PLCH2: variants seen among roughly 807,000 people sequenced by gnomAD.
PLCH2 encodes the protein phospholipase C eta 2.
In PLCH2, 98 loss-of-function variants were observed where a neutral mutation model predicts 134.7. That is an observed-to-expected ratio of 0.73 (90% CI 0.62 to 0.86). PLCH2 has a LOEUF of 0.86. Among genes scored for constraint, PLCH2 ranks in the 40% least tolerant of loss-of-function variants. The probability of loss-of-function intolerance (pLI) is 0.00; values close to 1 mark genes in which losing one functional copy is unlikely to be tolerated. For synonymous variants in PLCH2, 974 were observed against 827.5 expected (o/e 1.18, Z -3.04); for missense variants, 1,994 against 1,986.6 (o/e 1.00, Z -0.07).
Position 2,488,700 on chromosome 1 carries a change from G to A in PLCH2, c.1236-507G>A, listed in dbSNP as rs547626256. Among the ~76,000 whole-genome samples, 5 of 152,338 alleles carry A rather than the reference G, an allele frequency of 3.3e-5. No homozygotes were observed. In the East Asian group the frequency reaches 9.6e-4, roughly 29 times the overall value. ...ATACTCCCCATTCTGCACTGTGCAG[G>A]TAATAACCATGTTCCACCAGATGGT... On this transcript the variant is annotated intron_variant, in intron 8 of 21. Transcript: ENST00000378486.
chr1:2,489,676 G>A (rs1642462962), intron 9 of PLCH2, 84 bp from the exon 10 acceptor site: 1 of 1,113,778 alleles, frequency 9.0e-7, no homozygotes, highest in Non-Finnish European at 1.4e-6. Flanking sequence ...CCCTCTCCTT[G>A]GCCGGCGGCT....
intron 21 of PLCH2, chr1:2,502,714 C>A: frequency 1.4e-6 from 1 of 714,334 alleles, no homozygotes; most frequent in Non-Finnish European, 2.6e-6. Context: ...GTCCTGGGGC[C>A]TGGAGGCAGG....
intron 11 of PLCH2, 40 bp downstream of exon 11, chr1:2,491,375 C>G (rs773613525): frequency 1.9e-6 from 3 of 1,593,434 alleles, no homozygotes; most frequent in Non-Finnish European, 2.6e-6. Context: ...GCCGACAGGC[C>G]CCCCCGACAG....
upstream of PLCH2, among the ~76,000 whole-genome samples, chr1:2,472,925 G>A (rs750726055): frequency 2.0e-5 from 3 of 151,354 alleles, no homozygotes; most frequent in South Asian, 2.1e-4. Flanking sequence ...ATGCCGGGAG[G>A]CCTGTGGGTG....
At chr1:2,479,555 T>C (rs1410172507) in intron 2 of PLCH2, 179 bp from the exon 3 acceptor site, 1 of 610,584 alleles carries the variant, frequency 1.6e-6, no homozygotes, top group Non-Finnish European at 2.9e-6. Flanking sequence ...AGTGGGGGGC[T>C]GTGCAGTCTC....
At chr1:2,425,339 C>T (rs150054801), upstream of PLCH2, among the ~76,000 whole-genome samples, 8 of 152,098 alleles carry the variant, frequency 5.3e-5, no homozygotes, top group East Asian at 5.8e-4. Context: ...ATACACCCCC[C>T]CACACACATT....
upstream of PLCH2, among the ~76,000 whole-genome samples, chr1:2,464,639 G>GA (rs1640971655): frequency 6.6e-6 from 1 of 152,244 alleles, no homozygotes; most frequent in Admixed American, 6.5e-5. Flanking sequence ...GAGAAAGCAG[G>GA]AATGGAAGGT....
chr1:2,449,641 C>T (rs1394867647), intron 2 of PLCH2, among the ~76,000 whole-genome samples: 4 of 152,206 alleles, frequency 2.6e-5, no homozygotes, highest in East Asian at 1.9e-4. Context: ...CAGCTCTGCC[C>T]AGGTGGTGTC....
chr1:2,436,563 T>C (rs1388461475), intron 2 of PLCH2, among the ~76,000 whole-genome samples: 1 of 99,274 alleles, frequency 1.0e-5, no homozygotes, highest in African/African-American at 4.4e-5. Context: ...TCCCTCCACC[T>C]TTCCTCCTTC....
chr1:2,473,129 G>C (rs938245273), upstream of PLCH2, among the ~76,000 whole-genome samples: 7 of 152,320 alleles, frequency 4.6e-5, no homozygotes, highest in East Asian at 1.3e-3. Context: ...GACAGCGCGC[G>C]CTCTTCCTCT....
chr1:2,417,488 C>T, the PLCH2 span, among the ~76,000 whole-genome samples: 1 of 152,118 alleles, frequency 6.6e-6, no homozygotes, highest in Non-Finnish European at 1.5e-5. Flanking sequence ...GGGTGGGGTT[C>T]CCAGGAGAGT....
At chr1:2,434,763 A>C (rs965382548) in intron 2 of PLCH2, among the ~76,000 whole-genome samples, 2 of 152,174 alleles carry the variant, frequency 1.3e-5, no homozygotes, top group African/African-American at 4.8e-5. Flanking sequence ...CTCTGGGGCC[A>C]TGCAAGCTCC....
chr1:2,432,702 C>T (rs1275998633), intron 2 of PLCH2, among the ~76,000 whole-genome samples: 1 of 152,182 alleles, frequency 6.6e-6, no homozygotes, highest in Non-Finnish European at 1.5e-5. Flanking sequence ...CACTCCTGAT[C>T]CCTGAGCCTC....
chr1:2,486,822 G>A, intron 5 of PLCH2, 85 bp from the exon 6 acceptor site: 1 of 1,002,670 alleles, frequency 1.0e-6, no homozygotes, highest in Non-Finnish European at 1.5e-6. Context: ...GAGACAGGCA[G>A]GGGACAGTGG....
intron 2 of PLCH2, among the ~76,000 whole-genome samples, chr1:2,457,037 T>A (rs1256952947): frequency 6.6e-6 from 1 of 152,172 alleles, no homozygotes; most frequent in African/African-American, 2.4e-5. Flanking sequence ...GCCACCTACC[T>A]CCAGAACCCC....
intron 21 of PLCH2, chr1:2,503,556 G>A (rs1012972580): frequency 1.6e-6 from 1 of 632,590 alleles, no homozygotes; most frequent in Non-Finnish European, 2.9e-6. Flanking sequence ...ACACCACCCT[G>A]CCCCTCCAGA....
chr1:2,459,873 C>T (rs1227658748), intron 2 of PLCH2, among the ~76,000 whole-genome samples: 1 of 152,260 alleles, frequency 6.6e-6, no homozygotes, highest in Admixed American at 6.5e-5. Context: ...CCAGTTTCTG[C>T]TCAGCGCCTC....
At chr1:2,466,389 A>C (rs948522487), upstream of PLCH2, among the ~76,000 whole-genome samples, 1 of 152,172 alleles carries the variant, frequency 6.6e-6, no homozygotes, top group African/African-American at 2.4e-5. Context: ...TAAAGGCAGG[A>C]GGCAGCTCCT....
upstream of PLCH2, among the ~76,000 whole-genome samples, chr1:2,466,700 C>T (rs778371318): frequency 6.6e-6 from 1 of 152,246 alleles, no homozygotes; most frequent in Non-Finnish European, 1.5e-5. Context: ...TTTCAGAACA[C>T]CCCCCATGGG....
Sources: gnomAD v4.1 joint callset for allele counts (sites outside exome capture counted in the v4.1 genomes callset) on GRCh38, gnomAD v4.1.1 for gene constraint, MANE v1.5 for transcripts, NCBI Gene and HGNC (gene_info 2026-07-23, HGNC 2026-07-21) for gene names.